Variants in ZDHHC21 observed in about 807,000 individuals in gnomAD.
The protein encoded by ZDHHC21 is zDHHC palmitoyltransferase 21.
Under a neutral mutation model 34.6 loss-of-function variants are expected in ZDHHC21, and 15 were observed. The ratio of observed to expected loss-of-function variants is 0.43; its 90% CI spans 0.29 to 0.67. The LOEUF (loss-of-function observed/expected upper bound fraction) is 0.67. Ranked by LOEUF, ZDHHC21 falls within the 30% of genes least tolerant of loss-of-function variation. The pLI is 0.14. For missense variants in ZDHHC21, 344 were observed against 327.7 expected, an observed-to-expected ratio of 1.05 and a Z score of -0.38; for synonymous variants, 142 against 101.8, an observed-to-expected ratio of 1.40 and a Z score of -2.38.
chr9:14,607,679 A>G (rs1157496217), downstream of ZDHHC21, among the ~76,000 whole-genome samples: 1 of 152,054 alleles, frequency 6.6e-6, no homozygotes, highest in Admixed American at 6.6e-5. Flanking sequence ...GGTTATGTAA[A>G]TTTTAAAAAC....
chr9:14,663,715 T>C (rs537595100), intron 5 of ZDHHC21, among the ~76,000 whole-genome samples: 1 of 152,090 alleles, frequency 6.6e-6, no homozygotes, highest in Non-Finnish European at 1.5e-5. Context: ...AAATTAATTG[T>C]TCCAATAATA....
the ZDHHC21 span, among the ~76,000 whole-genome samples, chr9:14,595,954 G>T: frequency 6.6e-6 from 1 of 152,136 alleles, no homozygotes; most frequent in Non-Finnish European, 1.5e-5. Context: ...CGGAGCAACT[G>T]GAACACTCAT....
chr9:14,634,178 C>T (rs1427516951), intron 8 of ZDHHC21, among the ~76,000 whole-genome samples: 1 of 152,190 alleles, frequency 6.6e-6, no homozygotes, highest in Non-Finnish European at 1.5e-5. Flanking sequence ...ACAGCTGGCA[C>T]CCACACATGC....
In ZDHHC21 at chr9:14,687,060, T is replaced by C. The variant is rs186702385; in HGVS notation, c.-176+3277A>G. 1.1e-4 allele frequency among the ~76,000 whole-genome samples: 16 copies of C among 150,906 alleles called. 3 individuals are homozygous for C. The highest frequency in any genetic ancestry group is 3.7e-4 in the African/African-American group (15 of 40,272). On this transcript the variant is annotated intron_variant, in intron 2 of 9. Transcript: ENST00000380916. ...TTTCAGAAAAAAATTCAAACAGAAT[T>C]AAATGTGGTACAACCAAACATTTTT...
intron 1 of ZDHHC21, 48 bp downstream of exon 1, chr9:14,693,181 G>T (rs1297476527): frequency 2.7e-5 from 8 of 291,982 alleles, no homozygotes; most frequent in South Asian, 5.1e-5. Flanking sequence ...GGTGCGGATG[G>T]GGATGGGGGT....
rs1174102535 is a variant in ZDHHC21 at position 14,614,791 on chromosome 9, G to A, written c.*4175C>T. The A allele has an allele frequency of 6.6e-6, 1 of 151,788 alleles. No homozygotes were observed. Among genetic ancestry groups the A allele is most frequent in the East Asian group, 1.9e-4 (1 of 5,174 alleles). The allele number at this position is 151,788 out of a possible 1,614,324, so 9.4% of individuals were successfully genotyped here. A position where few individuals can be genotyped will look rare whatever the true frequency, so the allele number is the denominator to read the frequency against. On this transcript the variant is annotated 3_prime_UTR_variant, in exon 10 of 10. Coordinates refer to ENST00000380916, the MANE Select transcript of ZDHHC21 (RefSeq NM_178566.6). Reference sequence around the variant, plus strand: ...TACTTATATTTTTAAAGCAGTAGTAGAGTTGTGTGAAAATCTAATATTTGT... The same window carrying A: ...TACTTATATTTTTAAAGCAGTAGTAAAGTTGTGTGAAAATCTAATATTTGT...
intron 7 of ZDHHC21, among the ~76,000 whole-genome samples, chr9:14,655,094 C>G (rs1831942517): frequency 6.6e-6 from 1 of 151,800 alleles, no homozygotes; most frequent in African/African-American, 2.4e-5. Flanking sequence ...AATACAAAGA[C>G]CAAAAGAAAT....
chr9:14,671,081 T>C lies in ZDHHC21; in HGVS notation c.253+1749A>G, dbSNP rs544995062. On this transcript the variant is annotated intron_variant, in intron 5 of 9. Coordinates refer to ENST00000380916, the MANE Select transcript of ZDHHC21 (RefSeq NM_178566.6). ...AAAAAATTAAAAGCTAACAGATACA[T>C]TTTTAAGGGAGAGAAAAATCAAAAT... Among the ~76,000 whole-genome samples, 129 of 152,172 alleles carry C rather than the reference T, an allele frequency of 8.5e-4. 3 individuals are homozygous for C. In the South Asian group the frequency reaches 0.025, roughly 30 times the overall value.
chr9:14,599,537 G>C, the ZDHHC21 span, among the ~76,000 whole-genome samples: 1 of 152,100 alleles, frequency 6.6e-6, no homozygotes, highest in African/African-American at 2.4e-5. Flanking sequence ...GGCAGACACT[G>C]AGCTAGCTGC....
Position 14,627,059 on chromosome 9 carries a change from A to G in ZDHHC21, c.622-7377T>C, listed in dbSNP as rs557006047. ...TGACCTGGAGCTGAGTACATCAAAC[A>G]TAATTGTTATAAAGAGTGTACTGAA... On this transcript the variant is annotated intron_variant, in intron 8 of 9. Transcript: ENST00000380916. Among the ~76,000 whole-genome samples, 16 of 152,272 alleles carry G rather than the reference A, an allele frequency of 1.1e-4. No individual in the cohort carries two copies. In the South Asian group the frequency reaches 1.9e-3, roughly 18 times the overall value.
rs548866851 is a variant in ZDHHC21 at position 14,614,742 on chromosome 9, T to C, written c.*4224A>G. On this transcript the variant is annotated 3_prime_UTR_variant, in exon 10 of 10. Coordinates refer to ENST00000380916, the MANE Select transcript of ZDHHC21 (RefSeq NM_178566.6). The stretch of plus-strand genomic sequence containing the variant: ...GCAAGTAGAACACATTAAATGTACA[T>C]GGCTTATTTGCTACACTTACCAATA... 1.3e-5 allele frequency: 2 copies of C among 151,892 alleles called. No homozygotes were observed. Among genetic ancestry groups the C allele is most frequent in the East Asian group, 1.9e-4 (1 of 5,184 alleles). The allele number at this position is 151,892 out of a possible 1,614,324, so 9.4% of individuals were successfully genotyped here. A position where few individuals can be genotyped will look rare whatever the true frequency, so the allele number is the denominator to read the frequency against.
chr9:14,693,426 G>A lies in ZDHHC21; in HGVS notation c.-422C>T, dbSNP rs1322149961. 1.8e-5 allele frequency: 5 copies of A among 278,530 alleles called. No homozygotes were observed. Among genetic ancestry groups the A allele is most frequent in the East Asian group, 1.7e-4 (1 of 5,726 alleles). 17.3% of individuals were successfully genotyped at this position (278,530 alleles called of 1,614,324 possible). The stretch of plus-strand genomic sequence containing the variant: ...ATGCCCGCGCGCCCGCGTGGGGAGG[G>A]ACGACTGCCGCCGTCGCCGTCTCGC... On this transcript the variant is annotated 5_prime_UTR_variant, in exon 1 of 10. Transcript: ENST00000380916.
rs983511848 is a variant in ZDHHC21, at chr9:14,611,696, T to A, written c.*7270A>T. On this transcript the variant is annotated 3_prime_UTR_variant, in exon 10 of 10. Coordinates refer to ENST00000380916, the MANE Select transcript of ZDHHC21 (RefSeq NM_178566.6). ...TTGGCTATTCATTAAACTTGCCAGT[T>A]AGATCACACACAAAAAAACACTAAT... The A allele has an allele frequency of 1.3e-5, 2 of 151,958 alleles. No individual in the cohort carries two copies. Among genetic ancestry groups the A allele is most frequent in the African/African-American group, 4.8e-5 (2 of 41,410 alleles). The allele number at this position is 151,958 out of a possible 1,614,324, so 9.4% of individuals were successfully genotyped here.
intron 1 of ZDHHC21, among the ~76,000 whole-genome samples, chr9:14,692,574 C>T (rs1234456003): frequency 6.9e-6 from 1 of 145,648 alleles, no homozygotes; most frequent in African/African-American, 2.4e-5. Context: ...AAATGTGACC[C>T]ACATATAGCT....
At chr9:14,663,740 T>C (rs1052188663) in intron 5 of ZDHHC21, among the ~76,000 whole-genome samples, 4 of 152,190 alleles carry the variant, frequency 2.6e-5, no homozygotes, top group African/African-American at 4.8e-5. Context: ...AGTTGAGAAA[T>C]TATCTCTTAT....
At chr9:14,666,077 C>CTTGTGGTGT (rs1404595965) in intron 5 of ZDHHC21, among the ~76,000 whole-genome samples, 1 of 149,962 alleles carries the variant, frequency 6.7e-6, no homozygotes, top group Non-Finnish European at 1.5e-5. Context: ...AGTCAAGACC[C>CTTGTGGTGT]ATCACTGTGC....
intron 2 of ZDHHC21, among the ~76,000 whole-genome samples, chr9:14,683,955 C>T (rs913766045): frequency 9.9e-5 from 15 of 152,206 alleles, no homozygotes; most frequent in East Asian, 1.9e-4. Context: ...AAAAACCACA[C>T]GGTTATCTCA....
Position 14,660,949 on chromosome 9 carries a change from G to A in ZDHHC21, c.365+1266C>T, listed in dbSNP as rs188945551. ...GCAATTATCTGAATACATGTTTCAC[G>A]TAGCTTTCTAAAAATCTATTACTAT... On this transcript the variant is annotated intron_variant, in intron 6 of 9. Transcript: ENST00000380916. Among the ~76,000 whole-genome samples the A allele has an allele frequency of 5.0e-3, 768 of 152,176 alleles. 3 individuals carry two copies. The highest frequency in any genetic ancestry group is 8.6e-3 in the Admixed American group (131 of 15,280).
At chr9:14,690,631 A>G (rs1439302050) in intron 1 of ZDHHC21, among the ~76,000 whole-genome samples, 1 of 152,198 alleles carries the variant, frequency 6.6e-6, no homozygotes, top group Non-Finnish European at 1.5e-5. Flanking sequence ...GCAAACTTCA[A>G]AAATGTCACA....
Sources: allele counts gnomAD v4.1 joint callset (sites outside exome capture counted in the v4.1 genomes callset), GRCh38; gene constraint gnomAD v4.1.1; transcripts MANE v1.5; gene names NCBI Gene and HGNC (gene_info 2026-07-23, HGNC 2026-07-21).